MTR: variants seen among roughly 807,000 people sequenced by gnomAD.
MTR encodes 5-methyltetrahydrofolate-homocysteine methyltransferase.
MTR carries 84 observed loss-of-function variants against 154.8 expected under a neutral mutation model. That is an observed-to-expected ratio of 0.54 (90% CI 0.45 to 0.65). The LOEUF (loss-of-function observed/expected upper bound fraction) is 0.65, where lower values mean the gene tolerates loss of function less well. MTR is among the 30% of genes least tolerant of loss of function. The pLI, the probability that MTR is intolerant of heterozygous loss-of-function variation, is 0.00. For missense variants in MTR, 1,275 were observed against 1,570.2 expected (o/e 0.81, Z 3.18); for synonymous variants, 554 against 553.9 (o/e 1.00, Z 0.00).
intron 1 of MTR, chr1:236,800,613 C>A: frequency 2.3e-6 from 1 of 434,292 alleles, no homozygotes; most frequent in Non-Finnish European, 3.1e-6. Context: ...CATTCCTGCC[C>A]CAACATGACC....
intron 22 of MTR, among the ~76,000 whole-genome samples, chr1:236,865,183 C>T (rs889965880): frequency 6.6e-6 from 1 of 152,242 alleles, no homozygotes; most frequent in Non-Finnish European, 1.5e-5. Flanking sequence ...CTGCAACAAA[C>T]CCAGTTGCTA....
rs140416532 is a variant in MTR at position 236,888,071 on chromosome 1, C to T, written c.2852-1110C>T. 1.6e-4 allele frequency among the ~76,000 whole-genome samples: 24 copies of T among 152,236 alleles called. No homozygotes were observed. The East Asian group carries it at 3.7e-3, about 23-fold the overall frequency. On this transcript the variant is annotated intron_variant, in intron 27 of 32. Coordinates refer to ENST00000366577, the MANE Select transcript of MTR (RefSeq NM_000254.3). ...TGAGGAACAAATGGGAAAGGGCTAC[C>T]GTGAACAAGTATGAAAAGGTAGAGA...
chr1:236,833,238 A>G (rs917074659), intron 13 of MTR, among the ~76,000 whole-genome samples: 2 of 152,132 alleles, frequency 1.3e-5, no homozygotes, highest in African/African-American at 4.8e-5. Flanking sequence ...CAGTGTTTCT[A>G]TTATGTTTTG....
intron 29 of MTR, 105 bp downstream of exon 29, chr1:236,891,434 ATGACCAATCACATGCCCAAGAAG>A: frequency 8.6e-7 from 1 of 1,157,326 alleles, no homozygotes; most frequent in Non-Finnish European, 1.3e-6. Context: ...CTCCTCCCAA[ATGACCAATCACATGCCCAAGAAG>A]TGACCAGTCA....
In MTR at chr1:236,809,025, TTG is replaced by T. The variant is rs1241787086; in HGVS notation, c.409+254_409+255del. Among the ~76,000 whole-genome samples, 3 of 152,232 alleles carry T rather than the reference TTG, an allele frequency of 2.0e-5. No homozygotes were observed. The East Asian group carries it at 5.8e-4, about 29-fold the overall frequency. Reference sequence around the variant, plus strand: ...TCTTTCACCCTGGGTTAGCCTGACTTTGTAGCTAGGCCCCTGACTTCCTTGTG... The same window carrying T: ...TCTTTCACCCTGGGTTAGCCTGACTTTAGCTAGGCCCCTGACTTCCTTGTG... On this transcript the variant is annotated intron_variant, in intron 4 of 32. Coordinates refer to ENST00000366577, the MANE Select transcript of MTR (RefSeq NM_000254.3).
chr1:236,804,860 A>G (rs1420989374), intron 2 of MTR, among the ~76,000 whole-genome samples: 2 of 147,780 alleles, frequency 1.4e-5, no homozygotes, highest in Non-Finnish European at 3.0e-5. Context: ...AACTCATAGT[A>G]CTCTGTGTAT....
intron 2 of MTR, 128 bp from the exon 3 acceptor site, chr1:236,806,016 C>A: frequency 1.3e-6 from 1 of 773,152 alleles, no homozygotes; most frequent in Non-Finnish European, 2.3e-6. Context: ...CCTTCTAATG[C>A]AGTGCCTTAC....
chr1:236,851,173 C>A (rs767610112), intron 16 of MTR, among the ~76,000 whole-genome samples: 1 of 152,060 alleles, frequency 6.6e-6, no homozygotes, highest in African/African-American at 2.4e-5. Flanking sequence ...TCAGACTTAC[C>A]CATATGCAGA....
At chr1:236,877,559 A>G (rs1665500251) in intron 24 of MTR, among the ~76,000 whole-genome samples, 1 of 151,798 alleles carries the variant, frequency 6.6e-6, no homozygotes, top group Admixed American at 6.6e-5. Context: ...CCTTGTTACG[A>G]TAGTTGTTTG....
intron 18 of MTR, 28 bp downstream of exon 18, chr1:236,853,116 G>A (rs759586895): frequency 5.3e-5 from 85 of 1,612,392 alleles, no homozygotes; most frequent in Non-Finnish European, 7.0e-5. Context: ...CTAATAGATG[G>A]ATTTTTCCTA....
chr1:236,840,380 T>A (rs1312794436), intron 15 of MTR, among the ~76,000 whole-genome samples: 2 of 152,180 alleles, frequency 1.3e-5, no homozygotes. Flanking sequence ...GACTTGGCGG[T>A]TGTCACACAG....
intron 17 of MTR, 152 bp from the exon 18 acceptor site, chr1:236,852,796 G>A (rs1572265986): frequency 2.8e-6 from 3 of 1,083,776 alleles, no homozygotes; most frequent in Non-Finnish European, 4.2e-6. Context: ...TCTTGTCTGT[G>A]GCTGCTTTTA....
intron 1 of MTR, among the ~76,000 whole-genome samples, chr1:236,797,348 C>T (rs1293278754): frequency 6.6e-6 from 1 of 152,152 alleles, no homozygotes; most frequent in East Asian, 1.9e-4. Flanking sequence ...CTAAATGTGA[C>T]TTCAGACCAT....
In MTR at chr1:236,850,745, C is replaced by A. The variant is rs80243329; in HGVS notation, c.1695+222C>A. Among the ~76,000 whole-genome samples the A allele has an allele frequency of 0.036, 5,552 of 152,192 alleles. 159 individuals carry two copies. Among genetic ancestry groups the A allele is most frequent in the Non-Finnish European group, 0.061 (4,130 of 68,016 alleles). On this transcript the variant is annotated intron_variant, in intron 16 of 32. Coordinates refer to ENST00000366577, the MANE Select transcript of MTR (RefSeq NM_000254.3). The stretch of plus-strand genomic sequence containing the variant: ...AGAACATAACAGAGCCTGATGAACT[C>A]GCTTGAACCCAGGAGGGTGGAGGTT...
chr1:236,830,327 C>CTTA (rs965698775), intron 12 of MTR, among the ~76,000 whole-genome samples: 2 of 152,046 alleles, frequency 1.3e-5, no homozygotes, highest in Non-Finnish European at 2.9e-5. Context: ...ATCCCTGAAA[C>CTTA]TTAGTGCATT....
chr1:236,864,826 T>A (rs971027892), intron 22 of MTR, among the ~76,000 whole-genome samples: 6 of 152,226 alleles, frequency 3.9e-5, no homozygotes, highest in African/African-American at 1.4e-4. Context: ...CCAGGCATTA[T>A]ACTAGAGACA....
chr1:236,867,535 A>G (rs919484890), intron 22 of MTR, among the ~76,000 whole-genome samples: 2 of 152,198 alleles, frequency 1.3e-5, no homozygotes, highest in African/African-American at 4.8e-5. Flanking sequence ...TCAAGGAGGA[A>G]TTTTGACTTT....
chr1:236,796,460 G>C (rs1177660540), intron 1 of MTR, among the ~76,000 whole-genome samples: 25 of 152,168 alleles, frequency 1.6e-4, no homozygotes, highest in Admixed American at 1.6e-3. Flanking sequence ...CCGTAAAAAC[G>C]GGTGAGGAGA....
At chr1:236,806,913 C>G (rs1661017368) in intron 3 of MTR, among the ~76,000 whole-genome samples, 1 of 152,124 alleles carries the variant, frequency 6.6e-6, no homozygotes, top group South Asian at 2.1e-4. Flanking sequence ...TAGTATGTAT[C>G]AGAATTTCCT....
Sources: allele counts gnomAD v4.1 joint callset (sites outside exome capture counted in the v4.1 genomes callset), GRCh38; gene constraint gnomAD v4.1.1; transcripts MANE v1.5; gene names NCBI Gene and HGNC (gene_info 2026-07-23, HGNC 2026-07-21).